Variants in NRXN3 observed in about 807,000 individuals in gnomAD.
NRXN3 encodes the protein neurexin III.
Under a neutral mutation model 137.6 loss-of-function variants are expected in NRXN3, and 32 were observed. The observed-to-expected ratio is 0.23, with a 90% confidence interval of 0.18 to 0.31. The LOEUF (loss-of-function observed/expected upper bound fraction) is 0.31, where lower values mean the gene tolerates loss of function less well. Ranked by LOEUF, NRXN3 falls within the 10% of genes least tolerant of loss-of-function variation. The pLI is 1.00. For synonymous variants in NRXN3, 798 were observed against 784.5 expected (o/e 1.02, Z -0.29); for missense variants, 1,574 against 2,062.5 (o/e 0.76, Z 4.59).
intron 15 of NRXN3, among the ~76,000 whole-genome samples, chr14:79,127,269 G>A (rs1009862217): frequency 3.9e-5 from 6 of 152,248 alleles, no homozygotes; most frequent in African/African-American, 1.4e-4. Context: ...GTCCTGAATG[G>A]TAATACCTAG....
intron 15 of NRXN3, among the ~76,000 whole-genome samples, chr14:79,134,786 T>C (rs2058046180): frequency 6.6e-6 from 1 of 152,226 alleles, no homozygotes; most frequent in African/African-American, 2.4e-5. Context: ...TTGCTTCAAG[T>C]TGTCCATTAG....
intron 11 of NRXN3, among the ~76,000 whole-genome samples, chr14:78,962,639 T>A (rs574594287): frequency 6.6e-6 from 1 of 152,338 alleles, no homozygotes; most frequent in Admixed American, 6.5e-5. Flanking sequence ...ATATACTTAT[T>A]TTTTGAAGTC....
chr14:78,505,483 G>C (rs1023368358), intron 4 of NRXN3, among the ~76,000 whole-genome samples: 1 of 152,046 alleles, frequency 6.6e-6, no homozygotes, highest in Non-Finnish European at 1.5e-5. Context: ...CTCTTCTAAA[G>C]GGGACTCCTG....
intron 16 of NRXN3, among the ~76,000 whole-genome samples, chr14:79,583,097 G>A (rs1304556392): frequency 6.6e-6 from 1 of 152,154 alleles, no homozygotes; most frequent in Non-Finnish European, 1.5e-5. Flanking sequence ...ACAGTCTAAA[G>A]TGTGACACTG....
intron 15 of NRXN3, among the ~76,000 whole-genome samples, chr14:79,274,003 A>G (rs909227535): frequency 1.3e-5 from 2 of 151,362 alleles, no homozygotes; most frequent in African/African-American, 4.9e-5. Context: ...AGGCTGAAGC[A>G]GGAGAATTGC....
intron 4 of NRXN3, among the ~76,000 whole-genome samples, chr14:78,314,735 G>T (rs1389235415): frequency 6.6e-6 from 1 of 152,138 alleles, no homozygotes; most frequent in Non-Finnish European, 1.5e-5. Flanking sequence ...TCTGTGTTCT[G>T]ATCTTGTGTC....
intron 15 of NRXN3, among the ~76,000 whole-genome samples, chr14:79,205,643 T>C (rs908339483): frequency 7.9e-5 from 12 of 152,224 alleles, no homozygotes; most frequent in African/African-American, 2.9e-4. Context: ...TAATAGAGCA[T>C]AATGGTATGG....
chr14:79,252,331 A>T (rs756061921), intron 15 of NRXN3, among the ~76,000 whole-genome samples: 1 of 152,136 alleles, frequency 6.6e-6, no homozygotes, highest in East Asian at 1.9e-4. Context: ...TTACAACTGG[A>T]ATCTATTTAC....
intron 1 of NRXN3, among the ~76,000 whole-genome samples, chr14:78,230,915 T>C (rs1367869992): frequency 6.6e-6 from 1 of 152,172 alleles, no homozygotes; most frequent in East Asian, 1.9e-4. Context: ...CTGACTGCTG[T>C]ATGGAAAATA....
chr14:78,503,888 T>C (rs1435392777), intron 4 of NRXN3, among the ~76,000 whole-genome samples: 1 of 152,198 alleles, frequency 6.6e-6, no homozygotes, highest in Admixed American at 6.5e-5. Context: ...CGTGATAAGT[T>C]ACATAGTTAC....
chr14:79,219,540 A>G (rs1419669516), intron 15 of NRXN3, among the ~76,000 whole-genome samples: 1 of 152,210 alleles, frequency 6.6e-6, no homozygotes, highest in Non-Finnish European at 1.5e-5. Context: ...TAAATAAAGC[A>G]GAGAGACTTT....
At position 78,774,960 on chromosome 14, in the gene NRXN3, A is replaced by ATGGGTAATG. The variant is rs541963973; in HGVS notation, c.2045-28659_2045-28651dup. ...ATAAAAAATAGAGGTTAAATAACTCATGGGTAATGAGTGGCCAAGCTTAGA... is the reference window on the plus strand; with the variant it reads ...ATAAAAAATAGAGGTTAAATAACTCATGGGTAATGTGGGTAATGAGTGGCCAAGCTTAGA... On this transcript the variant is annotated intron_variant, in intron 8 of 20. Coordinates refer to ENST00000335750, the MANE Select transcript of NRXN3 (RefSeq NM_001330195.2). Among the ~76,000 whole-genome samples, 271 of 152,238 alleles carry ATGGGTAATG rather than the reference A, an allele frequency of 1.8e-3. 2 individuals carry two copies. The highest frequency in any genetic ancestry group is 6.3e-3 in the African/African-American group (261 of 41,540).
At chr14:79,132,127 A>G (rs2057606932) in intron 15 of NRXN3, among the ~76,000 whole-genome samples, 1 of 152,204 alleles carries the variant, frequency 6.6e-6, no homozygotes, top group South Asian at 2.1e-4. Context: ...AAATGCAGAA[A>G]TTACCCGTCT....
chr14:78,460,167 G>T (rs920703571), intron 4 of NRXN3, among the ~76,000 whole-genome samples: 1 of 152,188 alleles, frequency 6.6e-6, no homozygotes, highest in African/African-American at 2.4e-5. Context: ...GTGGGGAGGG[G>T]TTTGGCGCTT....
At chr14:78,336,342 G>A (rs771819954) in intron 4 of NRXN3, among the ~76,000 whole-genome samples, 9 of 152,134 alleles carry the variant, frequency 5.9e-5, no homozygotes, top group Non-Finnish European at 8.8e-5. Context: ...GAGTTGACTC[G>A]AAGCTGTGCC....
intron 16 of NRXN3, among the ~76,000 whole-genome samples, chr14:79,662,253 C>A (rs957535311): frequency 3.9e-5 from 6 of 152,074 alleles, no homozygotes; most frequent in Non-Finnish European, 8.8e-5. Flanking sequence ...CAACATATTG[C>A]CAGTAATTTG....
chr14:79,496,256 GACACACAC>G lies in NRXN3; in HGVS notation c.3444+28867_3444+28874del, dbSNP rs72461338. 8.6e-5 allele frequency among the ~76,000 whole-genome samples: 12 copies of G among 140,254 alleles called. No individual in the cohort carries two copies. In the East Asian group the frequency reaches 2.2e-3, roughly 26 times the overall value. The allele number at this position is 140,254 out of a possible 152,430, so 92.0% of individuals were successfully genotyped here. On this transcript the variant is annotated intron_variant, in intron 16 of 20. Transcript: ENST00000335750. ...TCTCTCTCACACACACACACACACA[GACACACAC>G]ACACACACACACGACAACTGTGAGC...
At chr14:78,664,323 A>G (rs2097863926) in intron 6 of NRXN3, among the ~76,000 whole-genome samples, 1 of 152,172 alleles carries the variant, frequency 6.6e-6, no homozygotes, top group South Asian at 2.1e-4. Context: ...TTACAGAATG[A>G]ACTTTCCCCT....
intron 15 of NRXN3, among the ~76,000 whole-genome samples, chr14:79,062,546 G>A (rs1240358231): frequency 6.6e-6 from 1 of 152,094 alleles, no homozygotes; most frequent in Non-Finnish European, 1.5e-5. Context: ...GCAAAAGCAG[G>A]GAGGGAGAGA....
Sources: allele counts gnomAD v4.1 joint callset (sites outside exome capture counted in the v4.1 genomes callset), GRCh38; gene constraint gnomAD v4.1.1; transcripts MANE v1.5; gene names NCBI Gene and HGNC (gene_info 2026-07-23, HGNC 2026-07-21).